MNAT1: variants seen among roughly 807,000 people sequenced by gnomAD.
MNAT1 encodes MNAT1 component of CDK activating kinase.
Under a neutral mutation model 42.0 loss-of-function variants are expected in MNAT1, and 43 were observed. The observed-to-expected ratio is 1.02, with a 90% CI of 0.80 to 1.32. MNAT1 has a LOEUF of 1.32. MNAT1 is among the 40% of genes most tolerant of loss of function. MNAT1 has a pLI of 0.00. For missense variants in MNAT1, 306 were observed against 350.4 expected, an observed-to-expected ratio of 0.87 and a Z score of 1.01; for synonymous variants, 118 against 120.0, an observed-to-expected ratio of 0.98 and a Z score of 0.11.
At chr14:60,823,046 G>C (rs2032945249) in intron 6 of MNAT1, among the ~76,000 whole-genome samples, 1 of 151,984 alleles carries the variant, frequency 6.6e-6, no homozygotes. Flanking sequence ...GTGCCCGGCT[G>C]AGGAGCACAC....
chr14:60,889,244 A>G (rs1288919309), intron 7 of MNAT1, among the ~76,000 whole-genome samples: 2 of 152,204 alleles, frequency 1.3e-5, no homozygotes, highest in Non-Finnish European at 2.9e-5. Flanking sequence ...ACTGGTACCA[A>G]AACAGAGATA....
rs68107318 is a variant in MNAT1, at chr14:60,738,253, A to AT, written c.89+3322dup. 7.3e-3 allele frequency among the ~76,000 whole-genome samples: 768 copies of AT among 105,504 alleles called. 10 individuals carry two copies. The highest frequency in any genetic ancestry group is 0.041 in the South Asian group (129 of 3,160). 69.2% of individuals were successfully genotyped at this position (105,504 alleles called of 152,430 possible). On this transcript the variant is annotated intron_variant, in intron 1 of 7. Transcript: ENST00000261245. ...TTTTCTGATAAGAAAAACATCTTGGATTTTTTTTTTTTTTTTTTTTGAGAC... is the reference window on the plus strand; with the variant it reads ...TTTTCTGATAAGAAAAACATCTTGGATTTTTTTTTTTTTTTTTTTTTGAGAC...
intron 5 of MNAT1, among the ~76,000 whole-genome samples, chr14:60,814,973 G>C (rs1274987072): frequency 6.6e-6 from 1 of 152,038 alleles, no homozygotes; most frequent in Non-Finnish European, 1.5e-5. Context: ...CTAATTATTA[G>C]TATATAGTTA....
intron 4 of MNAT1, among the ~76,000 whole-genome samples, chr14:60,811,632 C>T (rs1177080841): frequency 6.6e-6 from 1 of 152,038 alleles, no homozygotes; most frequent in East Asian, 1.9e-4. Context: ...TTTGAATATA[C>T]TTCTAACTAG....
chr14:60,963,547 C>A (rs1417805459), intron 7 of MNAT1, among the ~76,000 whole-genome samples: 2 of 152,114 alleles, frequency 1.3e-5, no homozygotes, highest in Non-Finnish European at 2.9e-5. Context: ...TAATGTAAAT[C>A]TTTATAGCTT....
intron 1 of MNAT1, among the ~76,000 whole-genome samples, chr14:60,781,317 A>C (rs1362724405): frequency 6.6e-6 from 1 of 152,206 alleles, no homozygotes; most frequent in East Asian, 1.9e-4. Flanking sequence ...CTGCTCATAT[A>C]ATCCACTCAT....
chr14:60,800,116 A>G (rs2032154896), intron 3 of MNAT1, among the ~76,000 whole-genome samples: 1 of 152,082 alleles, frequency 6.6e-6, no homozygotes. Context: ...TGTACTTGTT[A>G]TTGTAGTTAT....
intron 3 of MNAT1, among the ~76,000 whole-genome samples, chr14:60,802,930 AC>A (rs1038757137): frequency 1.4e-5 from 2 of 147,584 alleles, no homozygotes; most frequent in African/African-American, 5.0e-5. Context: ...TATAAATAAA[AC>A]TTTTTTTTTT....
chr14:60,922,348 A>G (rs979419875), intron 7 of MNAT1, among the ~76,000 whole-genome samples: 1 of 152,158 alleles, frequency 6.6e-6, no homozygotes, highest in African/African-American at 2.4e-5. Flanking sequence ...GCAGGTGTGC[A>G]TATAGTGTTT....
At chr14:60,882,611 G>C (rs543036821) in intron 7 of MNAT1, among the ~76,000 whole-genome samples, 1 of 152,290 alleles carries the variant, frequency 6.6e-6, no homozygotes, top group East Asian at 1.9e-4. Context: ...CAGTGGGATT[G>C]CTGGATCATA....
At chr14:60,896,708 A>G (rs1461638945) in intron 7 of MNAT1, among the ~76,000 whole-genome samples, 3 of 151,674 alleles carry the variant, frequency 2.0e-5, no homozygotes, top group Non-Finnish European at 4.4e-5. Context: ...GCTGGTCTCG[A>G]ACTCTGACCC....
intron 1 of MNAT1, chr14:60,754,013 G>T (rs2030219602): frequency 1.3e-5 from 2 of 152,190 alleles, no homozygotes; most frequent in African/African-American, 4.8e-5. Flanking sequence ...GCCTTATGAA[G>T]TTCCGTGTGG....
intron 6 of MNAT1, among the ~76,000 whole-genome samples, chr14:60,839,373 C>A (rs189111350): frequency 6.6e-6 from 1 of 152,306 alleles, no homozygotes; most frequent in Non-Finnish European, 1.5e-5. Context: ...GTCTAGATGA[C>A]CTGCAGAGAG....
chr14:60,883,473 A>G (rs1390279129), intron 7 of MNAT1, among the ~76,000 whole-genome samples: 2 of 152,072 alleles, frequency 1.3e-5, no homozygotes, highest in Non-Finnish European at 2.9e-5. Context: ...TATTTTAGTT[A>G]CTATAGCTCT....
chr14:60,918,198 CTTTTTTTTTTTTTTTTT>C (rs386381525), intron 7 of MNAT1, among the ~76,000 whole-genome samples: 3 of 48,598 alleles, frequency 6.2e-5, no homozygotes, highest in Non-Finnish European at 1.2e-4. Context: ...ATTAATTGTT[CTTTTTTTTTTTTTTTTT>C]TTTTTTTTTT....
intron 7 of MNAT1, among the ~76,000 whole-genome samples, chr14:60,891,671 T>C (rs1411713459): frequency 2.0e-5 from 3 of 152,188 alleles, no homozygotes; most frequent in Admixed American, 6.5e-5. Flanking sequence ...CAGGCTGGTC[T>C]CGAACTCCTG....
At chr14:60,806,055 G>C (rs569129826) in intron 3 of MNAT1, among the ~76,000 whole-genome samples, 1 of 152,316 alleles carries the variant, frequency 6.6e-6, no homozygotes, top group East Asian at 1.9e-4. Context: ...TGTCATTGGA[G>C]TTTTGCCATT....
At chr14:60,885,308 A>G (rs2139474093) in intron 7 of MNAT1, among the ~76,000 whole-genome samples, 1 of 151,942 alleles carries the variant, frequency 6.6e-6, no homozygotes, top group African/African-American at 2.4e-5. Flanking sequence ...TCTCCTATTT[A>G]GGCCCCATAA....
intron 1 of MNAT1, among the ~76,000 whole-genome samples, chr14:60,774,445 A>G (rs1161794998): frequency 6.6e-6 from 1 of 152,166 alleles, no homozygotes; most frequent in Non-Finnish European, 1.5e-5. Flanking sequence ...GTGGTAAGTC[A>G]TTTGTATTTT....
Sources: allele counts gnomAD v4.1 joint callset (sites outside exome capture counted in the v4.1 genomes callset), GRCh38; gene constraint gnomAD v4.1.1; transcripts MANE v1.5; gene names NCBI Gene and HGNC (gene_info 2026-07-23, HGNC 2026-07-21).